Variants in PCDH9 observed in about 807,000 individuals in gnomAD.
PCDH9 encodes the protein protocadherin 9, also known as protocadherin-9.
In PCDH9, 24 loss-of-function variants were observed where a neutral mutation model predicts 70.6. The observed-to-expected ratio is 0.34, with a 90% CI of 0.25 to 0.48. The LOEUF (loss-of-function observed/expected upper bound fraction) is 0.48. Among genes scored for constraint, PCDH9 ranks in the 20% least tolerant of loss-of-function variants. PCDH9 has a pLI of 0.99. For missense variants in PCDH9, 1,281 were observed against 1,503.6 expected, an observed-to-expected ratio of 0.85 and a Z score of 2.45; for synonymous variants, 562 against 558.5, an observed-to-expected ratio of 1.01 and a Z score of -0.09.
chr13:66,803,457 A>C (rs76921333), intron 3 of PCDH9, among the ~76,000 whole-genome samples: 4,713 of 152,186 alleles, frequency 0.031, 230 homozygotes, highest in African/African-American at 0.11. Flanking sequence ...AATGCTCCTC[A>C]CCAGGCACTT....
chr13:66,304,591 A>G lies in PCDH9; in HGVS notation c.*64T>C. 2 of 1,300,130 alleles carry G rather than the reference A, an allele frequency of 1.5e-6. No homozygotes were observed. Among genetic ancestry groups the G allele is most frequent in the Non-Finnish European group, 2.2e-6 (2 of 914,456 alleles). 80.5% of individuals were successfully genotyped at this position (1,300,130 alleles called of 1,614,324 possible). The stretch of plus-strand genomic sequence containing the variant: ...GTTGTAGAGATCTATTGAATACATA[A>G]AGCTCTGACGCACACGGTATTAGCA... On this transcript the variant is annotated 3_prime_UTR_variant, in exon 5 of 5. Transcript: ENST00000377865.
At chr13:67,086,809 G>T (rs1046199068) in intron 2 of PCDH9, among the ~76,000 whole-genome samples, 5 of 152,030 alleles carry the variant, frequency 3.3e-5, no homozygotes, top group Non-Finnish European at 7.4e-5. Context: ...CATTAAAACT[G>T]CAAATGATAA....
chr13:66,524,573 T>C (rs1035181398), intron 4 of PCDH9, among the ~76,000 whole-genome samples: 1 of 152,060 alleles, frequency 6.6e-6, no homozygotes, highest in African/African-American at 2.4e-5. Context: ...GTGTTAATAA[T>C]AACATAATTT....
chr13:66,514,102 T>G (rs1271989207), intron 4 of PCDH9, among the ~76,000 whole-genome samples: 1 of 152,046 alleles, frequency 6.6e-6, no homozygotes, highest in Non-Finnish European at 1.5e-5. Context: ...TGAATGGAGA[T>G]TTATCTCTTT....
chr13:66,410,998 T>G (rs371681938), intron 4 of PCDH9, among the ~76,000 whole-genome samples: 18 of 152,348 alleles, frequency 1.2e-4, no homozygotes, highest in African/African-American at 4.3e-4. Context: ...CTTCTGTTAT[T>G]CCTCATAATG....
At chr13:66,405,562 T>C (rs1287355828) in intron 4 of PCDH9, among the ~76,000 whole-genome samples, 1 of 152,166 alleles carries the variant, frequency 6.6e-6, no homozygotes, top group Non-Finnish European at 1.5e-5. Context: ...AGGTGCCAAA[T>C]ACTCATCTCC....
At chr13:66,553,295 T>C (rs566186076) in intron 4 of PCDH9, among the ~76,000 whole-genome samples, 1 of 152,300 alleles carries the variant, frequency 6.6e-6, no homozygotes, top group East Asian at 1.9e-4. Flanking sequence ...GCCTAGAGAA[T>C]AGTTGAAATT....
At chr13:66,670,912 TAAA>T (rs35287889) in intron 3 of PCDH9, among the ~76,000 whole-genome samples, 2,278 of 120,178 alleles carry the variant, frequency 0.019, 47 homozygotes, top group African/African-American at 0.056. Context: ...TGTTCTTATT[TAAA>T]AAAAAAAAAA....
intron 3 of PCDH9, among the ~76,000 whole-genome samples, chr13:66,776,749 T>G (rs1402489030): frequency 6.6e-6 from 1 of 151,242 alleles, no homozygotes; most frequent in African/African-American, 2.4e-5. Context: ...AAGCTACCAA[T>G]GACTTTCTTC....
chr13:66,401,990 C>A (rs1484133762), intron 4 of PCDH9, among the ~76,000 whole-genome samples: 1 of 152,168 alleles, frequency 6.6e-6, no homozygotes, highest in Non-Finnish European at 1.5e-5. Flanking sequence ...ATTCATTATC[C>A]AAGCTTTGCT....
intron 3 of PCDH9, among the ~76,000 whole-genome samples, chr13:66,734,487 C>T (rs1456480463): frequency 6.6e-6 from 1 of 151,962 alleles, no homozygotes; most frequent in East Asian, 1.9e-4. Flanking sequence ...TCTTGTGAAC[C>T]CTGCAAATTT....
At chr13:66,316,154 A>C (rs752308847) in intron 4 of PCDH9, among the ~76,000 whole-genome samples, 24 of 151,648 alleles carry the variant, frequency 1.6e-4, no homozygotes, top group Admixed American at 3.9e-4. Context: ...ATCTCCTCTG[A>C]CTCCTTCATC....
intron 2 of PCDH9, among the ~76,000 whole-genome samples, chr13:66,933,953 A>C (rs1372837005): frequency 1.3e-5 from 2 of 152,016 alleles, no homozygotes; most frequent in Admixed American, 1.3e-4. Context: ...AACTAAAAGA[A>C]GACAAAGATC....
chr13:66,422,708 G>A (rs1025570164), intron 4 of PCDH9, among the ~76,000 whole-genome samples: 1 of 152,092 alleles, frequency 6.6e-6, no homozygotes, highest in Admixed American at 6.6e-5. Context: ...AAGTGGGAAA[G>A]ATCTAAAATC....
At chr13:67,216,662 C>T (rs1369405519) in intron 2 of PCDH9, 3 of 90,894 alleles carry the variant, frequency 3.3e-5, no homozygotes, top group Non-Finnish European at 7.3e-5. Context: ...TTATTTCACA[C>T]TTTGTGGTTG....
intron 4 of PCDH9, among the ~76,000 whole-genome samples, chr13:66,339,224 G>A (rs1237556240): frequency 4.0e-5 from 6 of 150,730 alleles, no homozygotes; most frequent in African/African-American, 9.7e-5. Flanking sequence ...CTGTAGTAAT[G>A]AGAACAACAA....
chr13:66,566,482 A>T lies in PCDH9; in HGVS notation c.3340+64728T>A, dbSNP rs559340742. 2.0e-5 allele frequency among the ~76,000 whole-genome samples: 3 copies of T among 152,322 alleles called. No homozygotes were observed. In the South Asian group the frequency reaches 6.2e-4, roughly 32 times the overall value. ...GTGCCTTGCCTAATAAAGAAATAGC[A>T]ATAAGGTCTGAATAGATCACTTCTC... On this transcript the variant is annotated intron_variant, in intron 4 of 4. Transcript: ENST00000377865.
chr13:66,793,900 A>T (rs1319153957), intron 3 of PCDH9, among the ~76,000 whole-genome samples: 3 of 152,156 alleles, frequency 2.0e-5, no homozygotes, highest in African/African-American at 7.2e-5. Context: ...TGGAATTTAA[A>T]GTAAGTACAT....
chr13:66,729,240 A>C (rs2079041983), intron 3 of PCDH9, among the ~76,000 whole-genome samples: 1 of 152,192 alleles, frequency 6.6e-6, no homozygotes, highest in South Asian at 2.1e-4. Context: ...ATGATTCCCA[A>C]ATTAAAAACT....
Sources: allele counts gnomAD v4.1 joint callset (sites outside exome capture counted in the v4.1 genomes callset), GRCh38; gene constraint gnomAD v4.1.1; transcripts MANE v1.5; gene names NCBI Gene and HGNC (gene_info 2026-07-23, HGNC 2026-07-21).